Variants in KCNMB2 observed in about 807,000 individuals in gnomAD.
KCNMB2 encodes the protein calcium-activated potassium channel subunit beta-2.
Under a neutral mutation model 24.5 loss-of-function variants are expected in KCNMB2, and 9 were observed. The observed-to-expected ratio is 0.37, with a 90% CI of 0.22 to 0.64. KCNMB2 has a LOEUF of 0.64. Among genes scored for constraint, KCNMB2 ranks in the 30% least tolerant of loss-of-function variants. The pLI, the probability that KCNMB2 is intolerant of heterozygous loss-of-function variation, is 0.63. For missense variants in KCNMB2, 226 were observed against 284.3 expected (o/e 0.79, Z 1.47); for synonymous variants, 109 against 104.4 (o/e 1.04, Z -0.27).
chr3:178,539,017 A>T (rs1347961761), intron 1 of KCNMB2, among the ~76,000 whole-genome samples: 1 of 152,208 alleles, frequency 6.6e-6, no homozygotes, highest in Non-Finnish European at 1.5e-5. Context: ...GCACAGCTTT[A>T]GTCAGTCTTG....
At chr3:178,804,257 G>T (rs1176287928) in intron 1 of KCNMB2, among the ~76,000 whole-genome samples, 4 of 152,168 alleles carry the variant, frequency 2.6e-5, no homozygotes, top group South Asian at 2.1e-4. Flanking sequence ...AAGGAGTTCA[G>T]GGGGGCTGTC....
chr3:178,538,990 C>G (rs1049969295), intron 1 of KCNMB2, among the ~76,000 whole-genome samples: 6 of 152,116 alleles, frequency 3.9e-5, no homozygotes, highest in African/African-American at 1.4e-4. Context: ...TGCAGTCCCC[C>G]TTGATATAAA....
At chr3:178,767,159 C>T (rs978930466) in intron 1 of KCNMB2, among the ~76,000 whole-genome samples, 26 of 152,124 alleles carry the variant, frequency 1.7e-4, no homozygotes, top group African/African-American at 6.3e-4. Flanking sequence ...GGTTGAAGGA[C>T]CCTGATCTAA....
chr3:178,717,572 C>T (rs1328557150), intron 1 of KCNMB2, among the ~76,000 whole-genome samples: 3 of 152,120 alleles, frequency 2.0e-5, no homozygotes, highest in South Asian at 2.1e-4. Flanking sequence ...AAGTTAAACA[C>T]CCTTTCTGTT....
intron 4 of KCNMB2, among the ~76,000 whole-genome samples, chr3:178,840,263 C>A (rs1485988814): frequency 2.6e-5 from 4 of 152,338 alleles, no homozygotes; most frequent in African/African-American, 9.6e-5. Context: ...AGGCCTTGGG[C>A]AGCTTCACCC....
intron 1 of KCNMB2, among the ~76,000 whole-genome samples, chr3:178,566,155 G>A (rs909437098): frequency 6.6e-6 from 1 of 152,138 alleles, no homozygotes; most frequent in Non-Finnish European, 1.5e-5. Flanking sequence ...ACACTTAGAT[G>A]TTTCAGATGA....
At chr3:178,549,839 C>T (rs1349783711) in intron 1 of KCNMB2, among the ~76,000 whole-genome samples, 7 of 152,170 alleles carry the variant, frequency 4.6e-5, no homozygotes, top group Non-Finnish European at 1.0e-4. Context: ...TTATCTAAAT[C>T]ACATTACACT....
intron 2 of KCNMB2, among the ~76,000 whole-genome samples, chr3:178,808,876 TG>T (rs1034709777): frequency 1.4e-4 from 21 of 152,130 alleles, no homozygotes; most frequent in Non-Finnish European, 2.2e-4. Context: ...ACCTTAATTA[TG>T]GAAAAAATAA....
chr3:178,571,124 A>T (rs1342190867), intron 1 of KCNMB2, among the ~76,000 whole-genome samples: 1 of 152,142 alleles, frequency 6.6e-6, no homozygotes, highest in African/African-American at 2.4e-5. Context: ...TGTACTTTAA[A>T]TATAATCTCT....
At chr3:178,764,529 G>T (rs1374042050) in intron 1 of KCNMB2, among the ~76,000 whole-genome samples, 2 of 152,162 alleles carry the variant, frequency 1.3e-5, no homozygotes, top group Admixed American at 6.5e-5. Flanking sequence ...GTGTGTAGTA[G>T]GATATACCAT....
chr3:178,751,440 C>T (rs111780286), intron 1 of KCNMB2, among the ~76,000 whole-genome samples: 3,653 of 151,730 alleles, frequency 0.024, 156 homozygotes, highest in African/African-American at 0.083. Flanking sequence ...ATTAGCTGGG[C>T]ATTGTAGCAG....
At chr3:178,669,936 T>C (rs1720843709) in intron 1 of KCNMB2, among the ~76,000 whole-genome samples, 1 of 151,982 alleles carries the variant, frequency 6.6e-6, no homozygotes, top group African/African-American at 2.4e-5. Context: ...AGGAAGTGGA[T>C]ATACAGCCAA....
intron 1 of KCNMB2, among the ~76,000 whole-genome samples, chr3:178,645,686 C>G (rs1719895282): frequency 6.6e-6 from 1 of 152,042 alleles, no homozygotes; most frequent in Non-Finnish European, 1.5e-5. Flanking sequence ...TTCTGCCAAC[C>G]CAGCCACAGA....
Position 178,728,921 on chromosome 3 carries a change from C to T in KCNMB2, c.-67-78422C>T, listed in dbSNP as rs529307340. On this transcript the variant is annotated intron_variant, in intron 1 of 4. Transcript: ENST00000452583. ...CCAAACTTACTTAGTCTGTTCTCAACGTTAGAACCAAAGAATCAAGTGTTG... is the reference window on the plus strand; with the variant it reads ...CCAAACTTACTTAGTCTGTTCTCAATGTTAGAACCAAAGAATCAAGTGTTG... Among the ~76,000 whole-genome samples the T allele has an allele frequency of 2.6e-4, 40 of 152,218 alleles. 1 individual carries two copies. Among genetic ancestry groups the T allele is most frequent in the African/African-American group, 9.1e-4 (38 of 41,546 alleles).
rs551418340 is a variant in KCNMB2 at position 178,571,575 on chromosome 3, C to T, written c.-68+34864C>T. 9.6e-4 allele frequency among the ~76,000 whole-genome samples: 145 copies of T among 150,328 alleles called. No individual in the cohort carries two copies. In the Middle Eastern group the frequency reaches 0.014, roughly 14 times the overall value. On this transcript the variant is annotated intron_variant, in intron 1 of 4. Coordinates refer to ENST00000452583, the MANE Select transcript of KCNMB2 (RefSeq NM_181361.3). ...TACATGTGCAGAACATGCAGGTTTG[C>T]TACATAGGTATACACGTGCCATGGT...
At chr3:178,590,471 TATAAC>T (rs781364348) in intron 1 of KCNMB2, among the ~76,000 whole-genome samples, 2 of 152,190 alleles carry the variant, frequency 1.3e-5, no homozygotes, top group South Asian at 2.1e-4. Context: ...TAATGTAACA[TATAAC>T]ATAATTGCAT....
intron 1 of KCNMB2, among the ~76,000 whole-genome samples, chr3:178,570,808 G>C (rs942795758): frequency 2.0e-5 from 3 of 152,092 alleles, no homozygotes; most frequent in Admixed American, 6.6e-5. Flanking sequence ...TATAATTAAT[G>C]AACTCTGGTA....
At chr3:178,747,326 C>T (rs1001085098) in intron 1 of KCNMB2, among the ~76,000 whole-genome samples, 7 of 152,314 alleles carry the variant, frequency 4.6e-5, no homozygotes, top group Non-Finnish European at 1.0e-4. Flanking sequence ...GAAAGACATG[C>T]ACCCATGACT....
chr3:178,575,130 A>G (rs1180228843), intron 1 of KCNMB2, among the ~76,000 whole-genome samples: 1 of 152,208 alleles, frequency 6.6e-6, no homozygotes, highest in Admixed American at 6.5e-5. Context: ...GTAAGAGGCC[A>G]TAATAAAAGT....
Sources: gnomAD v4.1 joint callset for allele counts (sites outside exome capture counted in the v4.1 genomes callset) on GRCh38, gnomAD v4.1.1 for gene constraint, MANE v1.5 for transcripts, NCBI Gene and HGNC (gene_info 2026-07-23, HGNC 2026-07-21) for gene names.